The following DNM3 variants were observed in gnomAD, a reference collection of about 807,000 sequenced individuals.
DNM3 encodes the protein dynamin 3.
A neutral mutation model predicts 101.6 loss-of-function variants in DNM3; 47 were observed. That is an observed-to-expected ratio of 0.46 (90% CI 0.37 to 0.59). The LOEUF (loss-of-function observed/expected upper bound fraction) is 0.59, where lower values mean the gene tolerates loss of function less well. DNM3 is among the 20% of genes least tolerant of loss of function. The pLI is 0.00. For missense variants in DNM3, 849 were observed against 1,085.7 expected (o/e 0.78, Z 3.06); for synonymous variants, 385 against 387.9 (o/e 0.99, Z 0.09).
chr1:172,363,635 A>G (rs1340346650), intron 17 of DNM3, among the ~76,000 whole-genome samples: 3 of 151,830 alleles, frequency 2.0e-5, no homozygotes, highest in Non-Finnish European at 4.4e-5. Context: ...AAATAAATTC[A>G]GCCTGCAGTT....
intron 6 of DNM3, among the ~76,000 whole-genome samples, chr1:172,037,023 C>T (rs182999403): frequency 5.1e-4 from 77 of 152,144 alleles, no homozygotes; most frequent in African/African-American, 1.7e-3. Flanking sequence ...TTTATGCAGC[C>T]AAAAAACATG....
At chr1:171,885,013 G>T (rs1251646771) in intron 1 of DNM3, among the ~76,000 whole-genome samples, 3 of 152,106 alleles carry the variant, frequency 2.0e-5, no homozygotes, top group Non-Finnish European at 4.4e-5. Context: ...CTATCATGTT[G>T]CTTGGCACAA....
chr1:172,410,427 A>G lies in DNM3; in HGVS notation c.*2586A>G. 1.0e-6 allele frequency: 1 copy of G among 985,060 alleles called. No individual in the cohort carries two copies. Among genetic ancestry groups the G allele is most frequent in the Non-Finnish European group, 1.2e-6 (1 of 829,584 alleles). The allele number at this position is 985,060 out of a possible 1,614,324, so 61.0% of individuals were successfully genotyped here. A position where few individuals can be genotyped will look rare whatever the true frequency, so the allele number is the denominator to read the frequency against. On this transcript the variant is annotated 3_prime_UTR_variant, in exon 21 of 21. Transcript: ENST00000627582. ...CAATAGATGTAGCTCTATCATGTCT[A>G]GCATAATTTAAAAAATCAGTGTTTT...
At chr1:172,027,061 C>T (rs905650627) in intron 4 of DNM3, among the ~76,000 whole-genome samples, 6 of 152,068 alleles carry the variant, frequency 3.9e-5, no homozygotes, top group Non-Finnish European at 7.4e-5. Context: ...TTGTCATCAC[C>T]AGGACTGCCT....
intron 1 of DNM3, among the ~76,000 whole-genome samples, chr1:171,904,894 G>A (rs1480479431): frequency 1.3e-5 from 2 of 152,122 alleles, no homozygotes; most frequent in Non-Finnish European, 2.9e-5. Context: ...AGAACCACGG[G>A]GTTTAGACAA....
chr1:172,308,727 G>T lies in DNM3; in HGVS notation c.1770-1G>T. 6.5e-7 allele frequency: 1 copy of T among 1,546,652 alleles called. No individual in the cohort carries two copies. On this transcript the variant is annotated splice_acceptor_variant, in intron 15 of 20. Transcript: ENST00000627582. LOFTEE classifies it high-confidence loss of function. ...ATGATTTTTTTTTTTTTTAACTCCA[G>T]GAATGTATACAAAGACTATCGCTTC...
At chr1:172,008,943 ATATAT>A (rs1453722801) in intron 4 of DNM3, among the ~76,000 whole-genome samples, 6 of 138,244 alleles carry the variant, frequency 4.3e-5, no homozygotes, top group East Asian at 2.0e-4. Context: ...ATATTAATAA[ATATAT>A]TATATTAATA....
chr1:171,911,186 C>T (rs1299620496), intron 1 of DNM3, among the ~76,000 whole-genome samples: 2 of 151,642 alleles, frequency 1.3e-5, no homozygotes, highest in African/African-American at 2.4e-5. Flanking sequence ...CAGGATGTGA[C>T]CATGGTAGTG....
chr1:171,920,526 C>G (rs1474958893), intron 1 of DNM3, among the ~76,000 whole-genome samples: 1 of 152,158 alleles, frequency 6.6e-6, no homozygotes, highest in Admixed American at 6.5e-5. Flanking sequence ...GGTTATAATA[C>G]TTTCTGATGG....
chr1:171,893,134 T>C (rs2037446834), intron 1 of DNM3, among the ~76,000 whole-genome samples: 1 of 152,182 alleles, frequency 6.6e-6, no homozygotes, highest in Admixed American at 6.5e-5. Context: ...TCAGTGAGGT[T>C]GTTTCATACA....
chr1:172,307,637 A>T (rs1336106413), intron 15 of DNM3, among the ~76,000 whole-genome samples: 1 of 152,336 alleles, frequency 6.6e-6, no homozygotes, highest in South Asian at 2.1e-4. Context: ...ATGTCCATCA[A>T]TGATAGACTG....
At chr1:172,377,991 T>A (rs1164658233) in intron 17 of DNM3, 1 of 152,080 alleles carries the variant, frequency 6.6e-6, no homozygotes, top group Non-Finnish European at 1.5e-5. Flanking sequence ...ACTGATTGGA[T>A]GATTGAAAAT....
intron 15 of DNM3, among the ~76,000 whole-genome samples, chr1:172,301,475 T>A (rs1162986228): frequency 1.3e-5 from 2 of 152,172 alleles, no homozygotes; most frequent in Non-Finnish European, 2.9e-5. Context: ...GCACTCCAGC[T>A]CAGGCAACAG....
rs190496706 is a variant in DNM3 at position 172,300,325 on chromosome 1, C to T, written c.1770-8403C>T. On this transcript the variant is annotated intron_variant, in intron 15 of 20. Coordinates refer to ENST00000627582, the MANE Select transcript of DNM3 (RefSeq NM_015569.5). ...TGCATAATTTGTAAATATTTTCTCC[C>T]GTTCTGTAGGTTGTCTGTTTACCCT... 9.2e-5 allele frequency among the ~76,000 whole-genome samples: 14 copies of T among 152,098 alleles called. No individual in the cohort carries two copies. The East Asian group carries it at 1.5e-3, about 17-fold the overall frequency.
chr1:172,153,933 T>C (rs552548016), intron 14 of DNM3, among the ~76,000 whole-genome samples: 27 of 152,168 alleles, frequency 1.8e-4, no homozygotes, highest in African/African-American at 6.3e-4. Context: ...TTAAAAGCAG[T>C]TTTCTAAGGT....
chr1:172,240,690 A>G (rs1323608534), intron 14 of DNM3, among the ~76,000 whole-genome samples: 2 of 152,184 alleles, frequency 1.3e-5, no homozygotes, highest in African/African-American at 4.8e-5. Flanking sequence ...TCTTAAATTT[A>G]CTTTGTAATT....
chr1:171,859,772 C>T (rs1424247627), intron 1 of DNM3, among the ~76,000 whole-genome samples: 1 of 152,094 alleles, frequency 6.6e-6, no homozygotes, highest in African/African-American at 2.4e-5. Flanking sequence ...CAGAGAGTGA[C>T]ATATTTATCA....
At chr1:172,001,391 T>C (rs1572031795) in intron 4 of DNM3, among the ~76,000 whole-genome samples, 1 of 152,004 alleles carries the variant, frequency 6.6e-6, no homozygotes, top group South Asian at 2.1e-4. Context: ...CATTCACATT[T>C]CCTGTATGGA....
chr1:171,972,138 A>G (rs983789843), intron 2 of DNM3, among the ~76,000 whole-genome samples: 2 of 152,260 alleles, frequency 1.3e-5, no homozygotes, highest in Non-Finnish European at 2.9e-5. Flanking sequence ...TCAAAGATGT[A>G]GAAGACATAG....
Sources: allele counts gnomAD v4.1 joint callset (sites outside exome capture counted in the v4.1 genomes callset), GRCh38; gene constraint gnomAD v4.1.1; transcripts MANE v1.5; gene names NCBI Gene and HGNC (gene_info 2026-07-23, HGNC 2026-07-21).